EPHA6: variants seen among roughly 807,000 people sequenced by gnomAD.
The protein encoded by EPHA6 is EPH receptor A6.
A neutral mutation model predicts 112.0 loss-of-function variants in EPHA6; 50 were observed. The ratio of observed to expected loss-of-function variants is 0.45; its 90% CI spans 0.36 to 0.56. The LOEUF is 0.56. Among genes scored for constraint, EPHA6 ranks in the 20% least tolerant of loss-of-function variants. The probability of loss-of-function intolerance (pLI) is 0.00; values close to 1 mark genes in which losing one functional copy is unlikely to be tolerated. For missense variants in EPHA6, 1,280 were observed against 1,417.4 expected (o/e 0.90, Z 1.56); for synonymous variants, 529 against 490.7 (o/e 1.08, Z -1.03).
At chr3:97,466,544 T>A in intron 7 of EPHA6, 1 of 767,800 alleles carries the variant, frequency 1.3e-6, no homozygotes, top group South Asian at 1.4e-5. Flanking sequence ...TCCAATGATG[T>A]CTTCAGTGAT....
At chr3:97,687,559 T>G (rs931789132) in intron 14 of EPHA6, among the ~76,000 whole-genome samples, 1 of 152,208 alleles carries the variant, frequency 6.6e-6, no homozygotes, top group African/African-American at 2.4e-5. Flanking sequence ...AAGGATCAAT[T>G]AAGTTATTTT....
chr3:97,566,532 A>G (rs1482726802), intron 11 of EPHA6, among the ~76,000 whole-genome samples: 1 of 152,172 alleles, frequency 6.6e-6, no homozygotes, highest in Non-Finnish European at 1.5e-5. Flanking sequence ...GAAAATATTG[A>G]CTTGAAGTCA....
chr3:97,551,120 C>A (rs1299939643), intron 11 of EPHA6, among the ~76,000 whole-genome samples: 1 of 152,138 alleles, frequency 6.6e-6, no homozygotes, highest in Non-Finnish European at 1.5e-5. Flanking sequence ...TTTTAACTCT[C>A]TATATTATAA....
intron 2 of EPHA6, among the ~76,000 whole-genome samples, chr3:96,879,349 C>T (rs894960009): frequency 6.6e-6 from 1 of 151,990 alleles, no homozygotes; most frequent in African/African-American, 2.4e-5. Context: ...TCATTTTCAA[C>T]ACATCAAAAA....
At chr3:97,466,445 G>C in intron 7 of EPHA6, 1 of 1,550,760 alleles carries the variant, frequency 6.4e-7, no homozygotes, top group Non-Finnish European at 8.9e-7. Context: ...TGACAAAACT[G>C]TACTGGCTTA....
In EPHA6 at chr3:96,927,959, C is replaced by T. The variant is rs573629437; in HGVS notation, c.451-59371C>T. On this transcript the variant is annotated intron_variant, in intron 2 of 17. Transcript: ENST00000389672. ...CTCATGGCAGAAGGGGAAACAGTTA[C>T]GTCTTACAGGGTGGCAGGCAAGAAA... 7.2e-5 allele frequency among the ~76,000 whole-genome samples: 11 copies of T among 152,246 alleles called. No homozygotes were observed. The South Asian group carries it at 1.7e-3, about 23-fold the overall frequency.
intron 3 of EPHA6, among the ~76,000 whole-genome samples, chr3:97,010,492 A>G (rs759967044): frequency 6.6e-6 from 1 of 152,190 alleles, no homozygotes; most frequent in Non-Finnish European, 1.5e-5. Flanking sequence ...AAATTAATGC[A>G]TATCTTGGAA....
intron 3 of EPHA6, among the ~76,000 whole-genome samples, chr3:97,053,956 A>G (rs938267921): frequency 2.0e-5 from 3 of 152,046 alleles, no homozygotes; most frequent in African/African-American, 7.2e-5. Flanking sequence ...CACCTAACCT[A>G]GATGGCATTG....
intron 6 of EPHA6, among the ~76,000 whole-genome samples, chr3:97,426,459 A>T (rs2089134807): frequency 6.6e-6 from 1 of 152,208 alleles, no homozygotes; most frequent in Admixed American, 6.5e-5. Context: ...TGTCATTGAC[A>T]TGTGGGGACT....
At chr3:96,877,372 A>G (rs929646066) in intron 2 of EPHA6, among the ~76,000 whole-genome samples, 1 of 152,260 alleles carries the variant, frequency 6.6e-6, no homozygotes, top group African/African-American at 2.4e-5. Flanking sequence ...TACAAAATAA[A>G]AAGACTACAA....
chr3:97,094,288 C>T (rs529506253), intron 3 of EPHA6, among the ~76,000 whole-genome samples: 21 of 152,194 alleles, frequency 1.4e-4, no homozygotes, highest in African/African-American at 5.1e-4. Flanking sequence ...ATCAGTTTCT[C>T]TTATTAGACC....
intron 10 of EPHA6, among the ~76,000 whole-genome samples, chr3:97,496,769 G>A (rs1226411252): frequency 6.6e-6 from 1 of 151,798 alleles, no homozygotes; most frequent in Non-Finnish European, 1.5e-5. Flanking sequence ...TGATTTGTAG[G>A]CTGAAAGTGA....
chr3:97,051,532 G>C (rs533288928), intron 3 of EPHA6, among the ~76,000 whole-genome samples: 5 of 152,050 alleles, frequency 3.3e-5, no homozygotes, highest in Admixed American at 6.6e-5. Context: ...GAATAACCTG[G>C]AATACTTTTT....
At chr3:97,051,729 T>G (rs1171965544) in intron 3 of EPHA6, among the ~76,000 whole-genome samples, 2 of 152,104 alleles carry the variant, frequency 1.3e-5, no homozygotes, top group Non-Finnish European at 2.9e-5. Context: ...AATCTTGGCT[T>G]CACACAGGAA....
At chr3:97,599,668 A>G (rs1281412535) in intron 12 of EPHA6, among the ~76,000 whole-genome samples, 1 of 151,952 alleles carries the variant, frequency 6.6e-6, no homozygotes, top group African/African-American at 2.4e-5. Context: ...TGGTTACTGT[A>G]GCCTTGTAGT....
chr3:96,974,354 A>T (rs545782682), intron 2 of EPHA6, among the ~76,000 whole-genome samples: 1 of 150,410 alleles, frequency 6.6e-6, no homozygotes, highest in East Asian at 1.9e-4. Flanking sequence ...ATATATAAGA[A>T]TCTGTAAATT....
intron 6 of EPHA6, among the ~76,000 whole-genome samples, chr3:97,419,042 C>T (rs1039226447): frequency 1.3e-5 from 2 of 152,260 alleles, no homozygotes; most frequent in African/African-American, 2.4e-5. Context: ...CTGTGGCTCA[C>T]GCCTGTAATC....
intron 3 of EPHA6, among the ~76,000 whole-genome samples, chr3:97,190,722 G>C (rs182838377): frequency 1.4e-3 from 219 of 152,004 alleles, no homozygotes; most frequent in African/African-American, 5.0e-3. Context: ...TATTTTTTGT[G>C]GAGGGGAGCG....
Position 97,722,134 on chromosome 3 carries a change from G to C in EPHA6, c.2934+1724G>C, listed in dbSNP as rs375894573. On this transcript the variant is annotated intron_variant, in intron 15 of 17. Coordinates refer to ENST00000389672, the MANE Select transcript of EPHA6 (RefSeq NM_001080448.3). ...CTAATTGGTATTCTATTTGGTTCTTGTCTTAACCAGTTCCCAGCAGACTTA... is the reference window on the plus strand; with the variant it reads ...CTAATTGGTATTCTATTTGGTTCTTCTCTTAACCAGTTCCCAGCAGACTTA... 9.2e-5 allele frequency among the ~76,000 whole-genome samples: 14 copies of C among 152,258 alleles called. No individual in the cohort carries two copies. The South Asian group carries it at 2.7e-3, about 29-fold the overall frequency.
Sources: allele counts gnomAD v4.1 joint callset (sites outside exome capture counted in the v4.1 genomes callset), GRCh38; gene constraint gnomAD v4.1.1; transcripts MANE v1.5; gene names NCBI Gene and HGNC (gene_info 2026-07-23, HGNC 2026-07-21).